ENTHD1: variants seen among roughly 807,000 people sequenced by gnomAD.
ENTHD1 encodes the protein ENTH domain-containing protein 1.
Under a neutral mutation model 39.1 loss-of-function variants are expected in ENTHD1, and 23 were observed. The observed-to-expected ratio is 0.59, with a 90% CI of 0.42 to 0.83. The LOEUF is 0.83. Among genes scored for constraint, ENTHD1 ranks in the 40% least tolerant of loss-of-function variants. ENTHD1 has a pLI of 0.00. For missense variants in ENTHD1, 624 were observed against 705.4 expected (o/e 0.88, Z 1.31); for synonymous variants, 230 against 258.2 (o/e 0.89, Z 1.05).
At chr22:39,796,331 G>A (rs928314420) in intron 5 of ENTHD1, among the ~76,000 whole-genome samples, 1 of 152,032 alleles carries the variant, frequency 6.6e-6, no homozygotes, top group African/African-American at 2.4e-5. Context: ...GGAGTGCAAT[G>A]GTGTGAACGT....
chr22:39,757,969 T>G lies in ENTHD1; in HGVS notation c.1219+7254A>C, dbSNP rs563201162. Among the ~76,000 whole-genome samples, 6 of 152,298 alleles carry G rather than the reference T, an allele frequency of 3.9e-5. No individual in the cohort carries two copies. The East Asian group carries it at 1.2e-3, about 29-fold the overall frequency. On this transcript the variant is annotated intron_variant, in intron 6 of 6. Transcript: ENST00000325157. ...TCTCCTTCCACCATGATTCTAAGTT[T>G]CCTGAGGCCTCCCCAGCCATGAGGA...
chr22:39,841,605 C>A (rs1601632932), intron 3 of ENTHD1, among the ~76,000 whole-genome samples: 1 of 151,776 alleles, frequency 6.6e-6, no homozygotes, highest in East Asian at 1.9e-4. Flanking sequence ...CTTCCTCCAT[C>A]CTTTTATTTT....
At chr22:39,770,902 T>C (rs905669294) in intron 5 of ENTHD1, among the ~76,000 whole-genome samples, 1 of 152,204 alleles carries the variant, frequency 6.6e-6, no homozygotes, top group Non-Finnish European at 1.5e-5. Context: ...TTTTGGACTT[T>C]TTCAGACTTT....
intron 5 of ENTHD1, among the ~76,000 whole-genome samples, chr22:39,804,469 A>AGTTACATTTT (rs1297193768): frequency 6.6e-6 from 1 of 151,962 alleles, no homozygotes. Flanking sequence ...AAAAAAAAAA[A>AGTTACATTTT]AAAAATTGAT....
intron 6 of ENTHD1, among the ~76,000 whole-genome samples, chr22:39,763,805 A>C (rs2065253663): frequency 1.3e-5 from 2 of 152,150 alleles, no homozygotes; most frequent in Admixed American, 6.6e-5. Context: ...TACTTGGTAC[A>C]CTCACAGCGA....
intron 2 of ENTHD1, among the ~76,000 whole-genome samples, chr22:39,866,948 G>A (rs1009400951): frequency 3.3e-5 from 5 of 152,146 alleles, no homozygotes; most frequent in Non-Finnish European, 7.4e-5. Context: ...TGTTGCCCAG[G>A]CTGGAATGCA....
intron 4 of ENTHD1, among the ~76,000 whole-genome samples, chr22:39,830,395 CA>C (rs1462837772): frequency 6.6e-6 from 1 of 152,020 alleles, no homozygotes; most frequent in Non-Finnish European, 1.5e-5. Flanking sequence ...TCTGTCTTTT[CA>C]GTCAGTGAGC....
At chr22:39,827,947 TATAG>T (rs1231533587) in intron 4 of ENTHD1, among the ~76,000 whole-genome samples, 3 of 152,184 alleles carry the variant, frequency 2.0e-5, no homozygotes, top group African/African-American at 4.8e-5. Context: ...TGTATACGTA[TATAG>T]ATAAAGAATA....
At chr22:39,882,930 TGG>T (rs2066349901) in intron 2 of ENTHD1, among the ~76,000 whole-genome samples, 1 of 133,636 alleles carries the variant, frequency 7.5e-6, no homozygotes, top group Non-Finnish European at 1.5e-5. Flanking sequence ...TTGAACCTGG[TGG>T]GGCAGAGGTT....
intron 6 of ENTHD1, among the ~76,000 whole-genome samples, chr22:39,754,033 A>G (rs1451738480): frequency 6.6e-6 from 1 of 152,064 alleles, no homozygotes; most frequent in Non-Finnish European, 1.5e-5. Flanking sequence ...CCTTGCTGCC[A>G]TGTATTCTGC....
At chr22:39,836,637 C>T (rs2065909446) in intron 3 of ENTHD1, among the ~76,000 whole-genome samples, 1 of 152,100 alleles carries the variant, frequency 6.6e-6, no homozygotes, top group South Asian at 2.1e-4. Flanking sequence ...TAAAAGAATA[C>T]ACCTGTGATA....
intron 3 of ENTHD1, among the ~76,000 whole-genome samples, chr22:39,856,412 C>T (rs908836062): frequency 3.3e-5 from 5 of 151,884 alleles, no homozygotes; most frequent in Admixed American, 6.6e-5. Flanking sequence ...GTTAGTATTG[C>T]CAAGTTTACT....
In ENTHD1 at chr22:39,782,032, A is replaced by G. The variant is rs541137678; in HGVS notation, c.833-16423T>C. 1.5e-4 allele frequency among the ~76,000 whole-genome samples: 23 copies of G among 152,342 alleles called. No individual in the cohort carries two copies. In the South Asian group the frequency reaches 4.8e-3, roughly 32 times the overall value. ...CCGGGCATGGTGGATGATGCCTGTA[A>G]TCCCAGCACTTTGAGAGGATGAAGT... On this transcript the variant is annotated intron_variant, in intron 5 of 6. Coordinates refer to ENST00000325157, the MANE Select transcript of ENTHD1 (RefSeq NM_152512.4).
At chr22:39,746,313 C>CT (rs952378553) in intron 6 of ENTHD1, among the ~76,000 whole-genome samples, 3 of 151,660 alleles carry the variant, frequency 2.0e-5, no homozygotes, top group Non-Finnish European at 4.4e-5. Flanking sequence ...TCCAAGAGCT[C>CT]TTTTTTTTGG....
At position 39,835,847 on chromosome 22, in the gene ENTHD1, G is replaced by T; in HGVS notation, c.704C>A (p.Ser235Ter). ...TLPLKIHGWK[S>*]TEDLMTFLDD... is the part of the protein sequence containing the mutation. ...AGGAAACTATAGACTTACCTCTGTT[G>T]ATTTCCAACCATGAATCTTGAGTGG... Residue 235 changes from serine (S) to a stop codon, truncating the protein, a stop_gained, in exon 4 of 7, where the codon TCA becomes TAA. Transcript: ENST00000325157. LOFTEE classifies it high-confidence loss of function. The T allele has an allele frequency of 1.9e-6, 3 of 1,605,912 alleles. No homozygotes were observed. The South Asian group carries it at 3.3e-5, about 18-fold the overall frequency.
chr22:39,743,491 C>A lies in ENTHD1; in HGVS notation c.*188G>T, dbSNP rs1007654614. 4 of 586,610 alleles carry A rather than the reference C, an allele frequency of 6.8e-6. No individual in the cohort carries two copies. The highest frequency in any genetic ancestry group is 1.1e-5 in the Non-Finnish European group (4 of 364,954). The allele number at this position is 586,610 out of a possible 1,614,324, so 36.3% of individuals were successfully genotyped here. A position where few individuals can be genotyped will look rare whatever the true frequency, so the allele number is the denominator to read the frequency against. ...AATCTGAAATTATCAAAGGTGACAT[C>A]TTTCCCTTTTAAAAAATAAACCACC... is the stretch of plus-strand genomic sequence containing the variant. On this transcript the variant is annotated 3_prime_UTR_variant, in exon 7 of 7. Transcript: ENST00000325157.
At chr22:39,892,145 C>T (rs1193763420) in intron 1 of ENTHD1, among the ~76,000 whole-genome samples, 1 of 152,204 alleles carries the variant, frequency 6.6e-6, no homozygotes, top group African/African-American at 2.4e-5. Context: ...ATGAACCTCA[C>T]ATTAAAACTT....
intron 4 of ENTHD1, among the ~76,000 whole-genome samples, chr22:39,830,481 G>A (rs944594276): frequency 3.9e-5 from 6 of 151,986 alleles, no homozygotes; most frequent in East Asian, 1.9e-4. Flanking sequence ...AATTGAATCC[G>A]ATACCTAATT....
At chr22:39,771,764 C>CA (rs1273080711) in intron 5 of ENTHD1, among the ~76,000 whole-genome samples, 1 of 151,594 alleles carries the variant, frequency 6.6e-6, no homozygotes, top group Non-Finnish European at 1.5e-5. Flanking sequence ...AAATTGAAGG[C>CA]AAAATCAAAA....
Sources: allele counts gnomAD v4.1 joint callset (sites outside exome capture counted in the v4.1 genomes callset), GRCh38; gene constraint gnomAD v4.1.1; transcripts MANE v1.5; gene names NCBI Gene and HGNC (gene_info 2026-07-23, HGNC 2026-07-21).